Variants in C1orf159 observed in about 807,000 individuals in gnomAD.
C1orf159 encodes chromosome 1 open reading frame 159, also known as uncharacterized protein C1orf159.
Under a neutral mutation model 25.6 loss-of-function variants are expected in C1orf159, and 19 were observed. The ratio of observed to expected loss-of-function variants is 0.74; its 90% CI spans 0.52 to 1.09. C1orf159 has a LOEUF of 1.09. Among genes scored for constraint, C1orf159 ranks in the 50% least tolerant of loss-of-function variants. C1orf159 has a pLI of 0.00. For missense variants in C1orf159, 274 were observed against 290.6 expected, an observed-to-expected ratio of 0.94 and a Z score of 0.42; for synonymous variants, 139 against 124.7, an observed-to-expected ratio of 1.12 and a Z score of -0.77.
chr1:1,086,071 C>T (rs1430646401), intron 6 of C1orf159, 59 bp from the exon 7 acceptor site: 4 of 1,578,952 alleles, frequency 2.5e-6, no homozygotes, highest in East Asian at 2.3e-5. Context: ...CCTCGCCTGG[C>T]CCCCGGTGCC....
At chr1:1,091,174 G>C in intron 3 of C1orf159, 1 of 618,230 alleles carries the variant, frequency 1.6e-6, no homozygotes, top group South Asian at 2.0e-5. Flanking sequence ...AGCGATGCGC[G>C]GCACGCTGTG....
chr1:1,090,653 C>T (rs1222420557), intron 3 of C1orf159: 1 of 690,086 alleles, frequency 1.4e-6, no homozygotes, highest in East Asian at 2.7e-5. Context: ...TGGGCGGTCT[C>T]CAAGGAAAAG....
chr1:1,098,841 A>C (rs1646047295), intron 1 of C1orf159, among the ~76,000 whole-genome samples: 1 of 152,024 alleles, frequency 6.6e-6, no homozygotes, highest in Non-Finnish European at 1.5e-5. Flanking sequence ...TGAACTTCTG[A>C]CCTCAGGTGA....
rs369694710 is a variant in C1orf159, at chr1:1,094,702, C to T, written c.-135-2599G>A. 3.0e-4 allele frequency among the ~76,000 whole-genome samples: 45 copies of T among 152,234 alleles called. No homozygotes were observed. In the East Asian group the frequency reaches 5.2e-3, roughly 18 times the overall value. On this transcript the variant is annotated intron_variant, in intron 1 of 9. Transcript: ENST00000421241. Reference sequence around the variant, plus strand: ...GGCATGAGCCACCTTGCCCGGCCCCCGTCTTATCATTTTTTTATGGACATC... The same window carrying T: ...GGCATGAGCCACCTTGCCCGGCCCCTGTCTTATCATTTTTTTATGGACATC...
At chr1:1,090,850 C>T (rs750562634) in intron 3 of C1orf159, 2 of 1,532,642 alleles carry the variant, frequency 1.3e-6, no homozygotes, top group South Asian at 2.4e-5. Flanking sequence ...AGGTACTGCA[C>T]AGGTGCGCTG....
rs1646250150 is a variant in C1orf159 at position 1,110,987 on chromosome 1, A to AT, written c.-136+5072dup. On this transcript the variant is annotated intron_variant, in intron 1 of 9. Transcript: ENST00000421241. This position sits in a 1 kb window ranked among gnomAD's most constrained non-coding sequence, Gnocchi z 4.8. Reference sequence around the variant, plus strand: ...GGCAATCTCCATGGATCACAGGCAGATTCTACATCACGACAGGAGTCTGGT... The same window carrying AT: ...GGCAATCTCCATGGATCACAGGCAGATTTCTACATCACGACAGGAGTCTGGT... Among the ~76,000 whole-genome samples, 1 of 152,250 alleles carries AT rather than the reference A, an allele frequency of 6.6e-6. No homozygotes were observed. Among genetic ancestry groups the AT allele is most frequent in the Non-Finnish European group, 1.5e-5 (1 of 68,046 alleles).
chr1:1,083,821 C>T (rs1645782684), intron 9 of C1orf159: 1 of 1,185,256 alleles, frequency 8.4e-7, no homozygotes, highest in Admixed American at 2.1e-5. Flanking sequence ...GGGACGGAGG[C>T]CGGGTGAGCC....
intron 1 of C1orf159, among the ~76,000 whole-genome samples, chr1:1,112,701 T>C (rs890272223): frequency 6.6e-6 from 1 of 152,240 alleles, no homozygotes; most frequent in Non-Finnish European, 1.5e-5. Context: ...AGATGCTGCA[T>C]GGGTGGACAG....
At chr1:1,100,457 G>A (rs1424781466) in intron 1 of C1orf159, among the ~76,000 whole-genome samples, 1 of 152,058 alleles carries the variant, frequency 6.6e-6, no homozygotes, top group Non-Finnish European at 1.5e-5. Context: ...CTTACCCTCA[G>A]CATCCCACTT....
Position 1,091,657 on chromosome 1 carries a change from T to TG in C1orf159, c.-22-93dup, listed in dbSNP as rs1213497248. ...AAATGAAAGTGGGGTCAAGAGATGTTGGGGGGGTGCGGGCCAAGGCAAGGA... is the reference window on the plus strand; with the variant it reads ...AAATGAAAGTGGGGTCAAGAGATGTTGGGGGGGGTGCGGGCCAAGGCAAGGA... On this transcript the variant is annotated intron_variant, in intron 2 of 9. Transcript: ENST00000421241. 17 of 383,864 alleles carry TG rather than the reference T, an allele frequency of 4.4e-5. No individual in the cohort carries two copies. In the East Asian group the frequency reaches 2.1e-3, roughly 46 times the overall value. The allele number at this position is 383,864 out of a possible 1,614,324, so 23.8% of individuals were successfully genotyped here.
At position 1,082,882 on chromosome 1, in the gene C1orf159, C is replaced by T. The variant is rs781343181; in HGVS notation, c.*11G>A. On this transcript the variant is annotated 3_prime_UTR_variant, in exon 10 of 10. Transcript: ENST00000421241. ...TGCCGCCAAGTGCGTGGCGTGGTCT[C>T]GGCCTCCAGGTCAGACATTGCTGAT... 3.2e-5 allele frequency: 51 copies of T among 1,575,606 alleles called. No homozygotes were observed. The highest frequency in any genetic ancestry group is 3.3e-4 in the Middle Eastern group (2 of 6,042).
At chr1:1,105,686 C>T (rs1646161121) in intron 1 of C1orf159, among the ~76,000 whole-genome samples, 1 of 151,986 alleles carries the variant, frequency 6.6e-6, no homozygotes, top group South Asian at 2.1e-4. Context: ...GTGAGACCAT[C>T]CTGGCTAACA....
chr1:1,111,667 C>T (rs888698392), intron 1 of C1orf159, among the ~76,000 whole-genome samples: 36 of 152,184 alleles, frequency 2.4e-4, no homozygotes, highest in African/African-American at 8.2e-4. Flanking sequence ...ACCACACCCA[C>T]GCTCACCGTA....
chr1:1,090,920 G>C (rs1482372971), intron 3 of C1orf159: 1 of 1,550,430 alleles, frequency 6.4e-7, no homozygotes, highest in Admixed American at 2.0e-5. Context: ...AGACTGGACA[G>C]GCCTGGGGGG....
At chr1:1,084,323 C>T in intron 9 of C1orf159, 30 bp downstream of exon 9, 1 of 1,529,618 alleles carries the variant, frequency 6.5e-7, no homozygotes, top group Non-Finnish European at 8.8e-7. Context: ...GATGGGAAAC[C>T]CCACAGGGGG....
chr1:1,097,132 A>G (rs1646018725), intron 1 of C1orf159, among the ~76,000 whole-genome samples: 2 of 151,576 alleles, frequency 1.3e-5, no homozygotes, highest in African/African-American at 4.9e-5. Flanking sequence ...TTTGAGACCG[A>G]GTCTCACTCT....
intron 1 of C1orf159, among the ~76,000 whole-genome samples, chr1:1,108,037 C>G (rs1248145090): frequency 6.6e-6 from 1 of 152,252 alleles, no homozygotes; most frequent in Admixed American, 6.5e-5. Context: ...TCCACCAATT[C>G]TAGACACATT....
Position 1,082,904 on chromosome 1 carries a change from T to C in C1orf159, c.586A>G (p.Ser196Gly). 4 of 1,593,562 alleles carry C rather than the reference T, an allele frequency of 2.5e-6. No individual in the cohort carries two copies. Among genetic ancestry groups the C allele is most frequent in the Non-Finnish European group, 2.6e-6 (3 of 1,170,570 alleles). Residue 196 changes from serine to glycine, a missense_variant, in exon 10 of 10, where the codon AGC becomes GGC. Ser to Gly is a moderately conservative substitution (Grantham distance 56). Transcript: ENST00000421241. The stretch of plus-strand genomic sequence containing the variant: ...TCTCGGCCTCCAGGTCAGACATTGC[T>C]GATACGGGCCTCCCCCGGGAAGGCA... ...PAAFPGEARI[S>G]NV is the part of the protein sequence containing the mutation.
rs1209307895 is a variant in C1orf159, at chr1:1,089,466, C to T, written c.148+887G>A. Among the ~76,000 whole-genome samples the T allele has an allele frequency of 2.0e-5, 3 of 152,124 alleles. No individual in the cohort carries two copies. Among genetic ancestry groups the T allele is most frequent in the African/African-American group, 7.2e-5 (3 of 41,412 alleles). ...CTCTGTTCTCCCTCAGAGCGGTGCC[C>T]TCCTCCTCCTACCCTGCGTGTGCCT... On this transcript the variant is annotated intron_variant, in intron 4 of 9. Coordinates refer to ENST00000421241, the MANE Select transcript of C1orf159 (RefSeq NM_017891.5). The surrounding 1 kb of genome is among the most constrained non-coding windows in gnomAD (Gnocchi z 7.5).
Sources: allele counts gnomAD v4.1 joint callset (sites outside exome capture counted in the v4.1 genomes callset), GRCh38; gene constraint gnomAD v4.1.1; non-coding constraint Gnocchi (gnomAD v3.1); transcripts MANE v1.5; gene names NCBI Gene and HGNC (gene_info 2026-07-23, HGNC 2026-07-21).